PCDH9: variants seen among roughly 807,000 people sequenced by gnomAD.
PCDH9 encodes protocadherin-9.
PCDH9 carries 24 observed loss-of-function variants against 70.6 expected under a neutral mutation model. The observed-to-expected ratio is 0.34, with a 90% CI of 0.25 to 0.48. PCDH9 has a LOEUF of 0.48. PCDH9 is among the 20% of genes least tolerant of loss of function. The pLI, the probability that PCDH9 is intolerant of heterozygous loss-of-function variation, is 0.99. For missense variants in PCDH9, 1,281 were observed against 1,503.6 expected (o/e 0.85, Z 2.45); for synonymous variants, 562 against 558.5 (o/e 1.01, Z -0.09).
chr13:66,522,096 G>A (rs1250078781), intron 4 of PCDH9, among the ~76,000 whole-genome samples: 1 of 148,394 alleles, frequency 6.7e-6, no homozygotes, highest in African/African-American at 2.5e-5. Flanking sequence ...ATTACATAAG[G>A]CAGTCAAATT....
intron 3 of PCDH9, among the ~76,000 whole-genome samples, chr13:66,870,702 C>T (rs2081662026): frequency 1.3e-5 from 2 of 152,116 alleles, no homozygotes; most frequent in South Asian, 4.1e-4. Flanking sequence ...CATCTCACAC[C>T]AGTTAGAATG....
At chr13:66,959,039 T>G (rs116728815) in intron 2 of PCDH9, among the ~76,000 whole-genome samples, 2,335 of 152,306 alleles carry the variant, frequency 0.015, 69 homozygotes, top group African/African-American at 0.053. Flanking sequence ...ATATTTCAGT[T>G]TGTAACAAGA....
intron 2 of PCDH9, among the ~76,000 whole-genome samples, chr13:66,979,216 T>A (rs933822809): frequency 2.6e-5 from 4 of 152,114 alleles, no homozygotes; most frequent in African/African-American, 9.6e-5. Context: ...CAACCTGGAA[T>A]GCATGCAAAG....
chr13:66,639,479 A>G (rs1037457497), intron 3 of PCDH9, among the ~76,000 whole-genome samples: 1 of 152,214 alleles, frequency 6.6e-6, no homozygotes, highest in Non-Finnish European at 1.5e-5. Flanking sequence ...GTCTACTGTA[A>G]TTTGACATTT....
chr13:66,921,665 G>C (rs999203788), intron 2 of PCDH9, among the ~76,000 whole-genome samples: 1 of 151,244 alleles, frequency 6.6e-6, no homozygotes. Flanking sequence ...CATAAAAAAA[G>C]ACTAATACAC....
intron 2 of PCDH9, among the ~76,000 whole-genome samples, chr13:67,168,287 AT>A (rs2088178023): frequency 6.6e-6 from 1 of 152,176 alleles, no homozygotes; most frequent in Non-Finnish European, 1.5e-5. Context: ...ACCATCTTAT[AT>A]TGCTGCAGTT....
At chr13:67,115,035 T>C (rs2086731646) in intron 2 of PCDH9, among the ~76,000 whole-genome samples, 2 of 152,222 alleles carry the variant, frequency 1.3e-5, no homozygotes, top group South Asian at 4.1e-4. Flanking sequence ...TTTTGTTTTG[T>C]ACAAATAGAA....
chr13:66,889,351 T>G (rs2082059674), intron 3 of PCDH9, among the ~76,000 whole-genome samples: 1 of 152,188 alleles, frequency 6.6e-6, no homozygotes, highest in African/African-American at 2.4e-5. Context: ...AGAACATAAT[T>G]TTTTTGGTTT....
At chr13:66,698,993 C>A (rs1310340047) in intron 3 of PCDH9, among the ~76,000 whole-genome samples, 1 of 146,678 alleles carries the variant, frequency 6.8e-6, no homozygotes, top group Non-Finnish European at 1.5e-5. Context: ...CGGCTCACTG[C>A]AACCTCCACC....
chr13:66,720,902 C>T (rs919256103), intron 3 of PCDH9, among the ~76,000 whole-genome samples: 6 of 151,812 alleles, frequency 4.0e-5, no homozygotes, highest in East Asian at 1.9e-4. Context: ...CGTGGGTATA[C>T]GCAGGGGAAA....
intron 4 of PCDH9, among the ~76,000 whole-genome samples, chr13:66,616,486 T>TTTTC (rs1393648119): frequency 4.7e-5 from 7 of 149,834 alleles, no homozygotes; most frequent in Admixed American, 1.3e-4. Flanking sequence ...CTAAAATTCT[T>TTTTC]TTTTTTTTTT....
In PCDH9 at chr13:66,961,746, T is replaced by A. The variant is rs78775751; in HGVS notation, c.3037-58141A>T. 7.8e-3 allele frequency among the ~76,000 whole-genome samples: 1,182 copies of A among 152,276 alleles called. 10 individuals are homozygous for A. Among genetic ancestry groups the A allele is most frequent in the Admixed American group, 0.015 (225 of 15,290 alleles). On this transcript the variant is annotated intron_variant, in intron 2 of 4. Transcript: ENST00000377865. ...ATCACATTAATTTTTATGTTGATGATAAACTTTGATTATAAATCATAGATG... is the reference window on the plus strand; with the variant it reads ...ATCACATTAATTTTTATGTTGATGAAAAACTTTGATTATAAATCATAGATG...
Position 66,631,267 on chromosome 13 carries a change from C to G in PCDH9, c.3283G>C (p.Asp1095His). ...GTCCTCTTGTCCGGAGAGGCCTGGT[C>G]ATAGAATTCGTCCTGTGGCTGAACC... ...PLVQPQDEFY[D>H]QASPDKRTEA... is the part of the protein sequence containing the mutation. The change falls in exon 4 of 5, where the codon GAC (aspartate) becomes CAC (histidine). Residue 1095 changes from aspartate (D) to histidine (H), a missense_variant. This residue lies in a region of PCDH9 where 264 missense variants were observed against 278.8 expected (regional missense o/e 0.95). Coordinates refer to ENST00000377865, the MANE Select transcript of PCDH9 (RefSeq NM_203487.3). 1 of 1,611,590 alleles carries G rather than the reference C, an allele frequency of 6.2e-7. No individual in the cohort carries two copies. The highest frequency in any genetic ancestry group is 1.1e-5 in the South Asian group (1 of 91,034).
intron 2 of PCDH9, among the ~76,000 whole-genome samples, chr13:67,095,516 G>C (rs765636708): frequency 6.6e-6 from 1 of 152,120 alleles, no homozygotes; most frequent in Non-Finnish European, 1.5e-5. Flanking sequence ...ATATGGAAGA[G>C]AGGACACATG....
chr13:66,870,275 G>T (rs921149768), intron 3 of PCDH9, among the ~76,000 whole-genome samples: 1 of 152,058 alleles, frequency 6.6e-6, no homozygotes, highest in African/African-American at 2.4e-5. Context: ...CTGTTCCATT[G>T]ATCTCTATCT....
chr13:66,554,749 G>A (rs1032036431), intron 4 of PCDH9, among the ~76,000 whole-genome samples: 6 of 151,686 alleles, frequency 4.0e-5, no homozygotes, highest in Non-Finnish European at 8.8e-5. Context: ...TTAAACATTT[G>A]GAGAAAAAAT....
chr13:66,410,216 CT>C (rs1957346274), intron 4 of PCDH9, among the ~76,000 whole-genome samples: 7 of 149,878 alleles, frequency 4.7e-5, no homozygotes, highest in Admixed American at 4.6e-4. Flanking sequence ...AAAAAAAAAG[CT>C]CAATGGAAAT....
chr13:67,110,047 C>T (rs9541004), intron 2 of PCDH9, among the ~76,000 whole-genome samples: 2 of 151,700 alleles, frequency 1.3e-5, no homozygotes, highest in Non-Finnish European at 2.9e-5. Context: ...AATTTGGTCG[C>T]GGAGGCTTTG....
chr13:66,763,493 T>C (rs1265861985), intron 3 of PCDH9, among the ~76,000 whole-genome samples: 2 of 152,094 alleles, frequency 1.3e-5, no homozygotes, highest in African/African-American at 4.8e-5. Context: ...TACAGCCAAA[T>C]ATTTTATACC....
Sources: gnomAD v4.1 joint callset for allele counts (sites outside exome capture counted in the v4.1 genomes callset) on GRCh38, gnomAD v4.1.1 for gene constraint, gnomAD v4.1.1 regional missense constraint, MANE v1.5 for transcripts, NCBI Gene and HGNC (gene_info 2026-07-23, HGNC 2026-07-21) for gene names.